The following GRIK4 variants were observed in gnomAD, a reference collection of about 807,000 sequenced individuals.
The protein encoded by GRIK4 is glutamate receptor ionotropic, kainate 4.
GRIK4 carries 40 observed loss-of-function variants against 104.9 expected under a neutral mutation model. The observed-to-expected ratio is 0.38, with a 90% CI of 0.30 to 0.50. GRIK4 has a LOEUF of 0.50. GRIK4 is among the 20% of genes least tolerant of loss of function. GRIK4 has a pLI of 0.93. For missense variants in GRIK4, 1,047 were observed against 1,308.1 expected, an observed-to-expected ratio of 0.80 and a Z score of 3.08; for synonymous variants, 485 against 524.9, an observed-to-expected ratio of 0.92 and a Z score of 1.04.
intron 20 of GRIK4, 28 bp downstream of exon 20, chr11:120,982,252 C>A (rs499804): frequency 0.21 from 259,928 of 1,209,870 alleles, 29,232 homozygotes; most frequent in African/African-American, 0.31. Flanking sequence ...TATGATCGAT[C>A]GTGTTGGCAG....
At chr11:120,621,501 C>G (rs1949188974) in intron 1 of GRIK4, among the ~76,000 whole-genome samples, 2 of 152,188 alleles carry the variant, frequency 1.3e-5, no homozygotes, top group African/African-American at 4.8e-5. Flanking sequence ...ACAAAGAAGA[C>G]TTCCCCAGAG....
At chr11:120,831,612 C>G (rs1036216548) in intron 6 of GRIK4, among the ~76,000 whole-genome samples, 1 of 152,044 alleles carries the variant, frequency 6.6e-6, no homozygotes, top group Non-Finnish European at 1.5e-5. Context: ...AGAACGTTCT[C>G]GAGGGAGTCA....
rs112795536 is a variant in GRIK4 at position 120,696,481 on chromosome 11, T to TG, written c.82+36088dup. 7.6e-4 allele frequency among the ~76,000 whole-genome samples: 59 copies of TG among 77,852 alleles called. 1 individual carries two copies. The highest frequency in any genetic ancestry group is 0.014 in the Middle Eastern group (1 of 74). The allele number at this position is 77,852 out of a possible 152,430, so 51.1% of individuals were successfully genotyped here. A position where few individuals can be genotyped will look rare whatever the true frequency, so the allele number is the denominator to read the frequency against. ...AAATGGTTCTAGATAGAGGTGTCAGTGGGGGGGCATGTGGTAGAGGGGGCT... is the reference window on the plus strand; with the variant it reads ...AAATGGTTCTAGATAGAGGTGTCAGTGGGGGGGGCATGTGGTAGAGGGGGCT... On this transcript the variant is annotated intron_variant, in intron 3 of 20. Coordinates refer to ENST00000527524, the MANE Select transcript of GRIK4 (RefSeq NM_014619.5).
At chr11:120,817,859 A>G (rs1346234417) in intron 5 of GRIK4, among the ~76,000 whole-genome samples, 3 of 152,176 alleles carry the variant, frequency 2.0e-5, no homozygotes, top group Non-Finnish European at 4.4e-5. Context: ...GGGAGCTCCT[A>G]CATTTGGGGA....
chr11:120,957,706 T>C (rs1944193589), intron 16 of GRIK4, among the ~76,000 whole-genome samples: 1 of 151,660 alleles, frequency 6.6e-6, no homozygotes, highest in Non-Finnish European at 1.5e-5. Flanking sequence ...TGTCATAGCA[T>C]ACAGGACTTA....
chr11:120,907,475 G>C (rs974446343), intron 13 of GRIK4, among the ~76,000 whole-genome samples: 1 of 152,164 alleles, frequency 6.6e-6, no homozygotes, highest in African/African-American at 2.4e-5. Flanking sequence ...AAATACTGCT[G>C]CTTTGGCCTC....
intron 3 of GRIK4, among the ~76,000 whole-genome samples, chr11:120,700,130 T>C (rs1454119478): frequency 1.3e-5 from 2 of 150,428 alleles, no homozygotes; most frequent in Non-Finnish European, 3.0e-5. Context: ...TAGTTGGTTT[T>C]TTTGTGTGTG....
Position 120,519,874 on chromosome 11 carries a change from T to G in GRIK4, c.-159+7987T>G, listed in dbSNP as rs569780217. On this transcript the variant is annotated intron_variant, in intron 1 of 20. Transcript: ENST00000527524. Reference sequence around the variant, plus strand: ...GGCTACCTCACTACTGGTTTTTTTTTTTTTTGTTTTTTTTTTTGTTGTTGT... The same window carrying G: ...GGCTACCTCACTACTGGTTTTTTTTGTTTTTGTTTTTTTTTTTGTTGTTGT... Among the ~76,000 whole-genome samples, 700 of 104,226 alleles carry G rather than the reference T, an allele frequency of 6.7e-3. 9 individuals carry two copies. The highest frequency in any genetic ancestry group is 0.02 in the African/African-American group (481 of 24,284). 68.4% of individuals were successfully genotyped at this position (104,226 alleles called of 152,430 possible). A position where few individuals can be genotyped will look rare whatever the true frequency, so the allele number is the denominator to read the frequency against.
At chr11:120,629,160 G>C (rs1018602178) in intron 1 of GRIK4, among the ~76,000 whole-genome samples, 1 of 152,186 alleles carries the variant, frequency 6.6e-6, no homozygotes, top group Non-Finnish European at 1.5e-5. Context: ...GAAGAAGTTG[G>C]AGAGGTGGGG....
At chr11:120,661,250 A>T (rs1271463212) in intron 3 of GRIK4, among the ~76,000 whole-genome samples, 1 of 151,940 alleles carries the variant, frequency 6.6e-6, no homozygotes, top group African/African-American at 2.4e-5. Context: ...ACATCGGGGG[A>T]TGGGGATTAG....
At chr11:120,664,571 A>C (rs987228264) in intron 3 of GRIK4, among the ~76,000 whole-genome samples, 5 of 152,232 alleles carry the variant, frequency 3.3e-5, no homozygotes, top group Non-Finnish European at 7.3e-5. Flanking sequence ...AAGGTCACAC[A>C]GCTAGTGAAA....
At chr11:120,540,240 G>T (rs772451533) in intron 1 of GRIK4, among the ~76,000 whole-genome samples, 1 of 152,284 alleles carries the variant, frequency 6.6e-6, no homozygotes, top group Admixed American at 6.5e-5. Flanking sequence ...ACCACAGAGC[G>T]CAGGGTCTGA....
chr11:120,622,195 C>G (rs1048285688), intron 1 of GRIK4, among the ~76,000 whole-genome samples: 1 of 151,382 alleles, frequency 6.6e-6, no homozygotes, highest in Non-Finnish European at 1.5e-5. Flanking sequence ...AGCACCGCCC[C>G]CGGCCTTATT....
At chr11:120,647,625 C>T (rs1370535911) in intron 1 of GRIK4, among the ~76,000 whole-genome samples, 1 of 152,254 alleles carries the variant, frequency 6.6e-6, no homozygotes, top group African/African-American at 2.4e-5. Context: ...GGTCTCTCCC[C>T]ACCCGGCACA....
intron 8 of GRIK4, among the ~76,000 whole-genome samples, chr11:120,841,491 C>T (rs1166364874): frequency 6.6e-6 from 1 of 152,084 alleles, no homozygotes; most frequent in Admixed American, 6.5e-5. Flanking sequence ...ACACACATAC[C>T]AGATTTTGTG....
chr11:120,760,669 C>T (rs1296807167), intron 3 of GRIK4, among the ~76,000 whole-genome samples: 1 of 152,034 alleles, frequency 6.6e-6, no homozygotes, highest in Non-Finnish European at 1.5e-5. Context: ...TTGTTCAACT[C>T]CCACTTATGA....
At chr11:120,843,228 T>G (rs1326498379) in intron 8 of GRIK4, among the ~76,000 whole-genome samples, 1 of 152,264 alleles carries the variant, frequency 6.6e-6, no homozygotes, top group Non-Finnish European at 1.5e-5. Flanking sequence ...ACCATTTCAT[T>G]GCCATGCCCC....
Position 120,819,923 on chromosome 11 carries a change from A to G in GRIK4, c.511+3A>G. 1.9e-6 allele frequency: 3 copies of G among 1,613,454 alleles called. No homozygotes were observed. The highest frequency in any genetic ancestry group is 2.5e-6 in the Non-Finnish European group (3 of 1,179,910). On this transcript the variant is annotated splice_donor_region_variant and intron_variant, in intron 6 of 20. Transcript: ENST00000527524. The surrounding 1 kb of genome is among the most constrained non-coding windows in gnomAD (Gnocchi z 4.3). ...CCTCATCTGTGCCAAAGCAGAATGT[A>G]AGTTTCCCCAGGCTGGCTCTGCCCC...
chr11:120,682,250 C>T (rs1009067515), intron 3 of GRIK4, among the ~76,000 whole-genome samples: 1 of 152,148 alleles, frequency 6.6e-6, no homozygotes, highest in African/African-American at 2.4e-5. Context: ...GTCACCTTGG[C>T]GGCCAATGGA....
Sources: gnomAD v4.1 joint callset for allele counts (sites outside exome capture counted in the v4.1 genomes callset) on GRCh38, gnomAD v4.1.1 for gene constraint, Gnocchi (gnomAD v3.1) non-coding constraint, MANE v1.5 for transcripts, NCBI Gene and HGNC (gene_info 2026-07-23, HGNC 2026-07-21) for gene names.